B3GALT1: variants seen among roughly 807,000 people sequenced by gnomAD.
B3GALT1 encodes the protein UDP-Gal:betaGlcNAc beta 1,3-galactosyltransferase, polypeptide 1.
B3GALT1 carries 10 observed loss-of-function variants against 23.2 expected under a neutral mutation model. That is an observed-to-expected ratio of 0.43 (90% confidence interval 0.27 to 0.73). The LOEUF is 0.73. B3GALT1 is among the 30% of genes least tolerant of loss of function. The pLI is 0.21. For synonymous variants in B3GALT1, 156 were observed against 141.5 expected (o/e 1.10, Z -0.73); for missense variants, 299 against 405.4 (o/e 0.74, Z 2.25).
chr2:167,351,612 A>G (rs1697310141), intron 1 of B3GALT1, among the ~76,000 whole-genome samples: 1 of 152,138 alleles, frequency 6.6e-6, no homozygotes, highest in Admixed American at 6.6e-5. Context: ...AGGATTGAAG[A>G]TTTGTTTGAT....
intron 3 of B3GALT1, among the ~76,000 whole-genome samples, chr2:167,692,009 C>A (rs957502430): frequency 1.3e-5 from 2 of 152,046 alleles, no homozygotes. Context: ...TATTAGTTGG[C>A]CTTCCTTGAG....
intron 4 of B3GALT1, among the ~76,000 whole-genome samples, chr2:167,860,684 A>G (rs1277033608): frequency 1.3e-5 from 2 of 152,162 alleles, no homozygotes; most frequent in Non-Finnish European, 2.9e-5. Flanking sequence ...GTATTCTCCA[A>G]AACCAAGCCA....
At chr2:167,609,502 C>G (rs567032446) in intron 2 of B3GALT1, among the ~76,000 whole-genome samples, 15 of 152,266 alleles carry the variant, frequency 9.9e-5, no homozygotes, top group Non-Finnish European at 1.3e-4. Context: ...CGCTCTACCA[C>G]CCAGAGCATC....
chr2:167,562,384 T>G (rs931352341), intron 2 of B3GALT1, among the ~76,000 whole-genome samples: 6 of 152,186 alleles, frequency 3.9e-5, no homozygotes, highest in Non-Finnish European at 7.3e-5. Context: ...GCATTCCCTT[T>G]GAAAACTGGC....
At chr2:167,451,327 G>A (rs146183437) in intron 1 of B3GALT1, among the ~76,000 whole-genome samples, 10 of 152,320 alleles carry the variant, frequency 6.6e-5, no homozygotes, top group African/African-American at 2.4e-4. Context: ...GGTAGGCTAT[G>A]TCAGAGGGAA....
At chr2:167,847,869 A>T (rs1022715123) in intron 4 of B3GALT1, among the ~76,000 whole-genome samples, 1 of 152,206 alleles carries the variant, frequency 6.6e-6, no homozygotes, top group African/African-American at 2.4e-5. Context: ...AAGAAGAGAG[A>T]AAATCCAGAT....
intron 1 of B3GALT1, among the ~76,000 whole-genome samples, chr2:167,393,940 A>G (rs991223738): frequency 3.9e-5 from 6 of 152,192 alleles, no homozygotes; most frequent in Non-Finnish European, 8.8e-5. Context: ...ACAATGTATT[A>G]CTCTGCATAC....
intron 3 of B3GALT1, among the ~76,000 whole-genome samples, chr2:167,681,518 T>C (rs1021193529): frequency 6.6e-6 from 1 of 152,202 alleles, no homozygotes; most frequent in Non-Finnish European, 1.5e-5. Context: ...TAAATAACTG[T>C]GTCACTGACT....
At chr2:167,778,399 T>G (rs1326366323) in intron 3 of B3GALT1, among the ~76,000 whole-genome samples, 2 of 152,210 alleles carry the variant, frequency 1.3e-5, no homozygotes, top group Non-Finnish European at 2.9e-5. Context: ...CTTTTTTAAT[T>G]TTTAATTTCT....
At chr2:167,340,641 T>G (rs1697133685) in intron 1 of B3GALT1, among the ~76,000 whole-genome samples, 1 of 152,194 alleles carries the variant, frequency 6.6e-6, no homozygotes, top group African/African-American at 2.4e-5. Flanking sequence ...TTGACGTAAC[T>G]CTTTTCATGG....
intron 3 of B3GALT1, among the ~76,000 whole-genome samples, chr2:167,682,112 T>G (rs1237265489): frequency 6.6e-6 from 1 of 152,182 alleles, no homozygotes; most frequent in Non-Finnish European, 1.5e-5. Context: ...CTCCCCATCC[T>G]GTTCCTATTG....
chr2:167,365,309 A>G (rs2105265773), intron 1 of B3GALT1, among the ~76,000 whole-genome samples: 1 of 152,262 alleles, frequency 6.6e-6, no homozygotes, highest in South Asian at 2.1e-4. Context: ...TTCAGTTTGG[A>G]GCATTTGGTA....
intron 1 of B3GALT1, among the ~76,000 whole-genome samples, chr2:167,341,745 T>C (rs1219324906): frequency 3.9e-5 from 6 of 152,210 alleles, no homozygotes; most frequent in Non-Finnish European, 8.8e-5. Context: ...CCCTCTTCAC[T>C]TGACCCTATA....
intron 2 of B3GALT1, among the ~76,000 whole-genome samples, chr2:167,551,312 G>C (rs1683740214): frequency 6.6e-6 from 1 of 152,158 alleles, no homozygotes; most frequent in South Asian, 2.1e-4. Context: ...AAAATATGTT[G>C]TTTGATTGAG....
At chr2:167,537,120 G>A (rs1444888676) in intron 2 of B3GALT1, among the ~76,000 whole-genome samples, 2 of 152,118 alleles carry the variant, frequency 1.3e-5, no homozygotes, top group Admixed American at 6.6e-5. Context: ...CATGGCTGGG[G>A]AGGCCTCACA....
rs1311513914 is a variant in B3GALT1, at chr2:167,295,248, T to TAGCTAAGAAAA, written c.-511+1914_-511+1915insAGCTAAGAAAA. Among the ~76,000 whole-genome samples the TAGCTAAGAAAA allele has an allele frequency of 5.9e-5, 9 of 152,324 alleles. 1 individual carries two copies. The highest frequency in any genetic ancestry group is 1.7e-4 in the African/African-American group (7 of 41,572). On this transcript the variant is annotated intron_variant, in intron 1 of 4. Coordinates refer to ENST00000392690, the MANE Select transcript of B3GALT1 (RefSeq NM_020981.4). ...CTAGTAAAAAATTGGTGCTAAGTATTTTCTTCTTAGCATTCATCATGTCTG... is the reference window on the plus strand; with the variant it reads ...CTAGTAAAAAATTGGTGCTAAGTATTAGCTAAGAAAATTCTTCTTAGCATTCATCATGTCTG...
chr2:167,350,755 A>G (rs949419985), intron 1 of B3GALT1, among the ~76,000 whole-genome samples: 3 of 152,058 alleles, frequency 2.0e-5, no homozygotes, highest in Admixed American at 2.0e-4. Context: ...GGATATAGCC[A>G]CGTGGGACCT....
At chr2:167,746,044 G>A (rs1687647142) in intron 3 of B3GALT1, among the ~76,000 whole-genome samples, 1 of 152,148 alleles carries the variant, frequency 6.6e-6, no homozygotes, top group Admixed American at 6.5e-5. Context: ...TGAGTCAGAT[G>A]AATTGTTGTG....
At position 167,701,118 on chromosome 2, in the gene B3GALT1, A is replaced by G. The variant is rs576732912; in HGVS notation, c.-352+54152A>G. ...AAGACAAAAAACAAATTAACAAAAA[A>G]GCTGAAACCACCTCACTCAGCAGCT... is the stretch of plus-strand genomic sequence containing the variant. On this transcript the variant is annotated intron_variant, in intron 3 of 4. Transcript: ENST00000392690. 2.2e-4 allele frequency among the ~76,000 whole-genome samples: 33 copies of G among 152,332 alleles called. 1 individual carries two copies. Among genetic ancestry groups the G allele is most frequent in the African/African-American group, 7.9e-4 (33 of 41,572 alleles).
Sources: gnomAD v4.1 joint callset for allele counts (sites outside exome capture counted in the v4.1 genomes callset) on GRCh38, gnomAD v4.1.1 for gene constraint, MANE v1.5 for transcripts, NCBI Gene and HGNC (gene_info 2026-07-23, HGNC 2026-07-21) for gene names.